Variants in MDN1 observed in about 807,000 individuals in gnomAD.
The protein encoded by MDN1 is midasin AAA ATPase 1.
In MDN1, 266 loss-of-function variants were observed where a neutral mutation model predicts 669.2. The ratio of observed to expected loss-of-function variants is 0.40; its 90% CI spans 0.36 to 0.44. The LOEUF (loss-of-function observed/expected upper bound fraction) is 0.44. Among genes scored for constraint, MDN1 ranks in the 20% least tolerant of loss-of-function variants. The probability of loss-of-function intolerance (pLI) is 1.00; values close to 1 mark genes in which losing one functional copy is unlikely to be tolerated. For synonymous variants in MDN1, 2,385 were observed against 2,457.1 expected, an observed-to-expected ratio of 0.97 and a Z score of 0.87; for missense variants, 5,940 against 6,754.0, an observed-to-expected ratio of 0.88 and a Z score of 4.22.
chr6:89,812,655 G>A (rs780635954), intron 1 of MDN1, among the ~76,000 whole-genome samples: 1 of 141,022 alleles, frequency 7.1e-6, no homozygotes, highest in African/African-American at 2.5e-5. Flanking sequence ...TAATTAAAAG[G>A]ATAAGGCAAC....
intron 1 of MDN1, among the ~76,000 whole-genome samples, chr6:89,807,435 T>C (rs1288523560): frequency 6.6e-6 from 1 of 152,238 alleles, no homozygotes; most frequent in African/African-American, 2.4e-5. Context: ...GTGTTGTTTC[T>C]GTTAAGAAGT....
In MDN1 at chr6:89,689,921, A is replaced by G. The variant is rs926183611; in HGVS notation, c.10972T>C (p.Ser3658Pro). ...EAKHYLSLFL[S>P]CYQTGASLVT... ...AGCGATGCCCCAGTCTGATAGCAAG[A>G]CAGAAACAGGCTGAGGTAATGCTTT... Residue 3658 changes from serine (S) to proline (P), a missense_variant, in exon 65 of 102, where the codon TCT becomes CCT. Transcript: ENST00000369393. 3 of 1,614,102 alleles carry G rather than the reference A, an allele frequency of 1.9e-6. No individual in the cohort carries two copies. Among genetic ancestry groups the G allele is most frequent in the Non-Finnish European group, 2.5e-6 (3 of 1,180,038 alleles).
rs750280903 is a variant in MDN1, at chr6:89,751,558, G to A, written c.3100C>T (p.Arg1034Trp). ...KQPIPEPKGG[R>W]LIQVEGYWIA... ...CAGTAGCCTTCAACCTGGATAAGCC[G>A]ACCTCCTTTTGGCTCTGGAATAGGC... Residue 1034 changes from arginine (R) to tryptophan (W), a missense_variant, in exon 23 of 102, where the codon CGG becomes TGG. This residue lies in a region of MDN1 where 1,203 missense variants were observed against 1,268.9 expected (regional missense o/e 0.95). Coordinates refer to ENST00000369393, the MANE Select transcript of MDN1 (RefSeq NM_014611.3). 236 of 1,613,856 alleles carry A rather than the reference G, an allele frequency of 1.5e-4. 1 individual carries two copies. The highest frequency in any genetic ancestry group is 1.9e-4 in the Non-Finnish European group (225 of 1,179,980).
At position 89,656,075 on chromosome 6, in the gene MDN1, GCC is replaced by G. The variant is rs2128299711; in HGVS notation, c.15286-109_15286-108del. On this transcript the variant is annotated intron_variant, in intron 91 of 101. Coordinates refer to ENST00000369393, the MANE Select transcript of MDN1 (RefSeq NM_014611.3). ...GGACAGGATAAGTAAATCAGGTGTA[GCC>G]ATACAAGAATGGAATTCAATACAGC... The G allele has an allele frequency of 1.3e-5, 13 of 965,926 alleles. No individual in the cohort carries two copies. The South Asian group carries it at 2.0e-4, about 15-fold the overall frequency. The allele number at this position is 965,926 out of a possible 1,614,324, so 59.8% of individuals were successfully genotyped here. A position where few individuals can be genotyped will look rare whatever the true frequency, so the allele number is the denominator to read the frequency against.
chr6:89,808,654 G>A (rs527969478), intron 1 of MDN1, among the ~76,000 whole-genome samples: 4 of 151,878 alleles, frequency 2.6e-5, no homozygotes, highest in Admixed American at 6.6e-5. Context: ...TCCAACTACC[G>A]CCCCAACTCT....
At position 89,718,376 on chromosome 6, in the gene MDN1, G is replaced by A. The variant is rs1281441463; in HGVS notation, c.6573C>T (p.Tyr2191=). The part of the protein sequence containing the change: ...MQRLNNKINS[Y]CKAEFAKLVE... ...TCCAAATATACATACCTGCCTTGCA[G>A]TATGAGTTGATTTTATTGTTGAGTC... is the stretch of plus-strand genomic sequence containing the variant. The change falls in exon 43 of 102, where the codon TAC becomes TAT. Residue 2191 remains tyrosine (Y), a synonymous_variant. Coordinates refer to ENST00000369393, the MANE Select transcript of MDN1 (RefSeq NM_014611.3). 3 of 1,613,640 alleles carry A rather than the reference G, an allele frequency of 1.9e-6. No individual in the cohort carries two copies. The East Asian group carries it at 6.7e-5, about 36-fold the overall frequency.
Position 89,750,507 on chromosome 6 carries a change from CT to C in MDN1, c.3252del (p.Glu1085ArgfsTer9). 6.2e-7 allele frequency: 1 copy of C among 1,613,476 alleles called. No homozygotes were observed. The highest frequency in any genetic ancestry group is 8.5e-7 in the Non-Finnish European group (1 of 1,179,458). On this transcript the variant is annotated frameshift_variant, in exon 24 of 102. Transcript: ENST00000369393. LOFTEE classifies it high-confidence loss of function. ...AGGCTTGTTTTACCAACTGATGTCTCTCCCTGAATCAGCACTGGATAGGTTC... is the reference window on the plus strand; with the variant it reads ...AGGCTTGTTTTACCAACTGATGTCTCCCCTGAATCAGCACTGGATAGGTTC... ...SAGTYPVLIQ[G>X]ETSVGKTSLI... is the part of the protein sequence containing the mutation.
intron 33 of MDN1, among the ~76,000 whole-genome samples, chr6:89,732,982 T>C (rs915355940): frequency 7.9e-5 from 12 of 152,148 alleles, no homozygotes; most frequent in Non-Finnish European, 1.3e-4. Flanking sequence ...TAGCAGTCCA[T>C]CCCTATCCAA....
chr6:89,713,269 A>G lies in MDN1; in HGVS notation c.7097T>C (p.Leu2366Pro). Residue 2366 changes from leucine (L) to proline (P), a missense_variant, in exon 47 of 102, where the codon CTA becomes CCA. Transcript: ENST00000369393. ...GACAATTAGTATGGCTGTCTGGATT[A>G]GAGTTGATACAGAAGATGTTGGAGA... is the stretch of plus-strand genomic sequence containing the variant. ...VGSPTSSVSTLIQTAILIVQY... is the reference protein window; with the variant it reads ...VGSPTSSVSTPIQTAILIVQY... The G allele has an allele frequency of 6.2e-7, 1 of 1,613,704 alleles. No homozygotes were observed. Among genetic ancestry groups the G allele is most frequent in the South Asian group, 1.1e-5 (1 of 91,054 alleles).
At chr6:89,789,530 G>A (rs1170881398) in intron 7 of MDN1, among the ~76,000 whole-genome samples, 1 of 152,072 alleles carries the variant, frequency 6.6e-6, no homozygotes, top group African/African-American at 2.4e-5. Flanking sequence ...TATGAAACTG[G>A]TCACATATTC....
In MDN1 at chr6:89,737,761, C is replaced by T. The variant is rs1189742917; in HGVS notation, c.4723+565G>A. Among the ~76,000 whole-genome samples the T allele has an allele frequency of 4.2e-5, 6 of 142,542 alleles. No individual in the cohort carries two copies. In the East Asian group the frequency reaches 1.2e-3, roughly 29 times the overall value. The allele number at this position is 142,542 out of a possible 152,430, so 93.5% of individuals were successfully genotyped here. On this transcript the variant is annotated intron_variant, in intron 33 of 101. Coordinates refer to ENST00000369393, the MANE Select transcript of MDN1 (RefSeq NM_014611.3). The stretch of plus-strand genomic sequence containing the variant: ...TTTTTTGAGATGGAGTCTGGCTCTG[C>T]TGCCCAGGCTGGAGTGCAATGGCGC...
At chr6:89,747,271 A>G (rs1816684028) in intron 27 of MDN1, 58 bp downstream of exon 27, 1 of 1,574,972 alleles carries the variant, frequency 6.3e-7, no homozygotes, top group Non-Finnish European at 8.6e-7. Flanking sequence ...ATTTGTTTTA[A>G]TAAAAAGTTT....
chr6:89,798,080 G>A (rs1231721989), intron 2 of MDN1, among the ~76,000 whole-genome samples: 2 of 151,668 alleles, frequency 1.3e-5, no homozygotes, highest in African/African-American at 4.8e-5. Context: ...TACTCAGGAG[G>A]CTGAGGCAGG....
chr6:89,817,884 C>A (rs964903519), intron 1 of MDN1, among the ~76,000 whole-genome samples: 2 of 152,286 alleles, frequency 1.3e-5, no homozygotes, highest in East Asian at 3.9e-4. Context: ...TGCTTAGCAG[C>A]GTCCCTGGCC....
chr6:89,714,955 T>A (rs754996995), intron 45 of MDN1, among the ~76,000 whole-genome samples: 1 of 152,204 alleles, frequency 6.6e-6, no homozygotes, highest in Admixed American at 6.5e-5. Flanking sequence ...GTATGATATA[T>A]CCAGTGTACC....
chr6:89,792,059 G>A (rs971640941), intron 5 of MDN1, among the ~76,000 whole-genome samples: 4 of 151,538 alleles, frequency 2.6e-5, no homozygotes, highest in East Asian at 3.9e-4. Context: ...TAGTAGAGAC[G>A]GGGTTTCACC....
chr6:89,756,065 G>A (rs2128319726), intron 20 of MDN1, among the ~76,000 whole-genome samples: 1 of 152,292 alleles, frequency 6.6e-6, no homozygotes, highest in East Asian at 1.9e-4. Context: ...CTTCTCATAG[G>A]TAATGATTCA....
At chr6:89,709,612 GAATT>G (rs1385528257) in intron 50 of MDN1, among the ~76,000 whole-genome samples, 1 of 152,102 alleles carries the variant, frequency 6.6e-6, no homozygotes, top group Non-Finnish European at 1.5e-5. Context: ...GCACATAAAG[GAATT>G]ATTTAGCACA....
At chr6:89,806,069 C>G (rs896052036) in intron 1 of MDN1, among the ~76,000 whole-genome samples, 36 of 152,072 alleles carry the variant, frequency 2.4e-4, no homozygotes, top group African/African-American at 7.0e-4. Context: ...CCCTAAGTAG[C>G]TAGGATTACA....
Sources: allele counts gnomAD v4.1 joint callset (sites outside exome capture counted in the v4.1 genomes callset), GRCh38; gene constraint gnomAD v4.1.1; regional missense constraint gnomAD v4.1.1; transcripts MANE v1.5; gene names NCBI Gene and HGNC (gene_info 2026-07-23, HGNC 2026-07-21).